The following PUS7L variants were observed in gnomAD, a reference collection of about 807,000 sequenced individuals.
The protein encoded by PUS7L is pseudouridine synthase 7 like, also known as pseudouridylate synthase PUS7L.
PUS7L carries 49 observed loss-of-function variants against 51.1 expected under a neutral mutation model. The observed-to-expected ratio is 0.96, with a 90% CI of 0.76 to 1.22. The LOEUF is 1.22. PUS7L is among the 50% of genes most tolerant of loss of function. The probability of loss-of-function intolerance (pLI) is 0.00; values close to 1 mark genes in which losing one functional copy is unlikely to be tolerated. For synonymous variants in PUS7L, 277 were observed against 276.2 expected, an observed-to-expected ratio of 1.00 and a Z score of -0.03; for missense variants, 828 against 820.6, an observed-to-expected ratio of 1.01 and a Z score of -0.11.
chr12:43,734,344 AAC>A (rs1409684791), intron 7 of PUS7L, among the ~76,000 whole-genome samples: 1 of 152,192 alleles, frequency 6.6e-6, no homozygotes, highest in African/African-American at 2.4e-5. Flanking sequence ...GAATGGATCT[AAC>A]AGAGAAAAGC....
At position 43,726,453 on chromosome 12, in the gene PUS7L, C is replaced by G. The variant is rs1944455837; in HGVS notation, c.*3923G>C. On this transcript the variant is annotated 3_prime_UTR_variant, in exon 9 of 9. Coordinates refer to ENST00000344862, the MANE Select transcript of PUS7L (RefSeq NM_031292.5). ...AAACTATAAAAACCCTAGAAGAAAACCTAGGAAATATCATTCTGGACAAAA... is the reference window on the plus strand; with the variant it reads ...AAACTATAAAAACCCTAGAAGAAAAGCTAGGAAATATCATTCTGGACAAAA... 6.6e-6 allele frequency: 1 copy of G among 151,688 alleles called. No individual in the cohort carries two copies. The highest frequency in any genetic ancestry group is 6.6e-5 in the Admixed American group (1 of 15,228). 9.4% of individuals were successfully genotyped at this position (151,688 alleles called of 1,614,324 possible). A position where few individuals can be genotyped will look rare whatever the true frequency, so the allele number is the denominator to read the frequency against.
In PUS7L at chr12:43,754,379, T is replaced by C. The variant is rs1366261286; in HGVS notation, c.867A>G (p.Lys289=). The C allele has an allele frequency of 6.2e-7, 1 of 1,608,180 alleles. No homozygotes were observed. Among genetic ancestry groups the C allele is most frequent in the South Asian group, 1.1e-5 (1 of 89,866 alleles). ...CTTCTTGGCATTCAGAAAGAGGCCT[T>C]TTCCCACGTTTGTGTGCTTTTTCCC... ...RFREKAHKRG[K]RPLSECQEGK... is the part of the protein sequence containing the mutation. Residue 289 remains lysine (K), a synonymous_variant, in exon 2 of 9, where the codon AAA becomes AAG. Transcript: ENST00000344862.
intron 7 of PUS7L, among the ~76,000 whole-genome samples, chr12:43,734,236 A>C (rs1944629901): frequency 6.6e-6 from 1 of 152,212 alleles, no homozygotes; most frequent in Admixed American, 6.5e-5. Flanking sequence ...TTGGGAAAGA[A>C]AAATCATTTT....
chr12:43,754,308 G>A, intron 2 of PUS7L, 28 bp downstream of exon 2: 1 of 1,433,526 alleles, frequency 7.0e-7, no homozygotes. Flanking sequence ...GCTTATCCAA[G>A]AAAATGGATG....
Position 43,748,597 on chromosome 12 carries a change from C to A in PUS7L, c.923G>T (p.Arg308Leu), listed in dbSNP as rs145814117. ...TTCAAACATTTCCAGGTTTTCCTTTCGTAGGGTAAAAGCTGAAACAAAAAA... is the reference window on the plus strand; with the variant it reads ...TTCAAACATTTCCAGGTTTTCCTTTAGTAGGGTAAAAGCTGAAACAAAAAA... Reference protein sequence around the residue: ...GKVIYTAFTLRKENLEMFEAI... With the variant: ...GKVIYTAFTLLKENLEMFEAI... Residue 308 changes from arginine (R) to leucine (L), a missense_variant, in exon 3 of 9, where the codon CGA (arginine) becomes CTA (leucine). Transcript: ENST00000344862. 310 of 1,583,336 alleles carry A rather than the reference C, an allele frequency of 2.0e-4. 1 individual carries two copies. The highest frequency in any genetic ancestry group is 1.5e-3 in the Admixed American group (75 of 50,214).
chr12:43,730,486 T>C lies in PUS7L; in HGVS notation c.1996A>G (p.Lys666Glu), dbSNP rs1944524828. ...GCTGTTTCATCAATGTGGGAACCTTTCGTTTTGACATCAATGTCATGATCT... is the reference window on the plus strand; with the variant it reads ...GCTGTTTCATCAATGTGGGAACCTTCCGTTTTGACATCAATGTCATGATCT... ...MEDHDIDVKT[K>E]GSHIDETALS... The change falls in exon 9 of 9, where the codon AAA (lysine) becomes GAA (glutamate). Residue 666 changes from lysine (K) to glutamate (E), a missense_variant. Coordinates refer to ENST00000344862, the MANE Select transcript of PUS7L (RefSeq NM_031292.5). The C allele has an allele frequency of 6.2e-7, 1 of 1,613,874 alleles. No individual in the cohort carries two copies. Among genetic ancestry groups the C allele is most frequent in the Non-Finnish European group, 8.5e-7 (1 of 1,179,820 alleles).
At chr12:43,730,773 C>G in intron 8 of PUS7L, 71 bp from the exon 9 acceptor site, 1 of 991,376 alleles carries the variant, frequency 1.0e-6, no homozygotes, top group South Asian at 1.6e-5. Flanking sequence ...TTTTAATGTA[C>G]TTTTATGACT....
chr12:43,731,909 AGGAG>A (rs1944565464), intron 7 of PUS7L, 151 bp from the exon 8 acceptor site: 1 of 590,302 alleles, frequency 1.7e-6, no homozygotes, highest in African/African-American at 2.0e-5. Context: ...TTGTTTCTGG[AGGAG>A]TAGACTACAT....
At position 43,724,617 on chromosome 12, in the gene PUS7L, C is replaced by T. The variant is rs1944432691; in HGVS notation, c.*5759G>A. Reference sequence around the variant, plus strand: ...ATAATTTTGTTTGATGCAATACTATCCTGGACTGAAAAATGATAACTAACA... The same window carrying T: ...ATAATTTTGTTTGATGCAATACTATTCTGGACTGAAAAATGATAACTAACA... On this transcript the variant is annotated 3_prime_UTR_variant, in exon 9 of 9. Transcript: ENST00000344862. 1.3e-5 allele frequency: 2 copies of T among 152,056 alleles called. No individual in the cohort carries two copies. Among genetic ancestry groups the T allele is most frequent in the South Asian group, 2.1e-4 (1 of 4,834 alleles). 9.4% of individuals were successfully genotyped at this position (152,056 alleles called of 1,614,324 possible).
intron 2 of PUS7L, among the ~76,000 whole-genome samples, chr12:43,752,521 G>A (rs1157307000): frequency 6.6e-6 from 1 of 152,146 alleles, no homozygotes; most frequent in Non-Finnish European, 1.5e-5. Flanking sequence ...GCAAAATGTG[G>A]CATACACCTA....
chr12:43,720,194 T>C lies in PUS7L; in HGVS notation c.*10182A>G, dbSNP rs545266471. The C allele has an allele frequency of 3.3e-5, 5 of 152,354 alleles. No homozygotes were observed. Among genetic ancestry groups the C allele is most frequent in the Admixed American group, 6.5e-5 (1 of 15,302 alleles). The allele number at this position is 152,354 out of a possible 1,614,324, so 9.4% of individuals were successfully genotyped here. On this transcript the variant is annotated 3_prime_UTR_variant, in exon 9 of 9. Transcript: ENST00000344862. Reference sequence around the variant, plus strand: ...TAATTTCATTTTGTCTTACTTGACATATAGATTACTTAGAAGTGTATCTCT... The same window carrying C: ...TAATTTCATTTTGTCTTACTTGACACATAGATTACTTAGAAGTGTATCTCT...
chr12:43,736,804 T>C, intron 6 of PUS7L, 143 bp from the exon 7 acceptor site: 1 of 626,170 alleles, frequency 1.6e-6, no homozygotes, highest in Non-Finnish European at 2.7e-6. Context: ...CTAGCTACAC[T>C]TGAAGAGCTT....
intron 7 of PUS7L, among the ~76,000 whole-genome samples, chr12:43,734,930 A>G (rs963367355): frequency 5.3e-5 from 8 of 152,322 alleles, no homozygotes; most frequent in Admixed American, 5.2e-4. Context: ...GGAGAATAAT[A>G]ATTTGTTCTT....
chr12:43,723,782 C>T lies in PUS7L; in HGVS notation c.*6594G>A, dbSNP rs1051893801. ...CTTAGAAAAACAGATTAAAACAGTACTATAAGAGAATCTTTCTGAAACTAG... is the reference window on the plus strand; with the variant it reads ...CTTAGAAAAACAGATTAAAACAGTATTATAAGAGAATCTTTCTGAAACTAG... On this transcript the variant is annotated 3_prime_UTR_variant, in exon 9 of 9. Transcript: ENST00000344862. 4 of 152,024 alleles carry T rather than the reference C, an allele frequency of 2.6e-5. No homozygotes were observed. Among genetic ancestry groups the T allele is most frequent in the African/African-American group, 7.2e-5 (3 of 41,410 alleles). The allele number at this position is 152,024 out of a possible 1,614,324, so 9.4% of individuals were successfully genotyped here.
intron 3 of PUS7L, among the ~76,000 whole-genome samples, chr12:43,747,862 C>T (rs1374920540): frequency 1.3e-5 from 2 of 152,124 alleles, no homozygotes; most frequent in Admixed American, 6.5e-5. Context: ...GATCCCTGCT[C>T]ACTGCAACTC....
At chr12:43,748,751 G>T in intron 2 of PUS7L, 142 bp from the exon 3 acceptor site, 1 of 719,888 alleles carries the variant, frequency 1.4e-6, no homozygotes, top group Non-Finnish European at 2.2e-6. Flanking sequence ...TTGTGATGGA[G>T]TGTCACTCTG....
At chr12:43,745,915 A>G (rs1938144333) in intron 4 of PUS7L, 131 bp downstream of exon 4, 3 of 526,690 alleles carry the variant, frequency 5.7e-6, no homozygotes, top group Non-Finnish European at 6.6e-6. Flanking sequence ...ATCACTTTAG[A>G]AAATAATTAA....
At position 43,724,450 on chromosome 12, in the gene PUS7L, T is replaced by C. The variant is rs1461188337; in HGVS notation, c.*5926A>G. 1 of 152,116 alleles carries C rather than the reference T, an allele frequency of 6.6e-6. No homozygotes were observed. Among genetic ancestry groups the C allele is most frequent in the East Asian group, 1.9e-4 (1 of 5,196 alleles). 9.4% of individuals were successfully genotyped at this position (152,116 alleles called of 1,614,324 possible). A position where few individuals can be genotyped will look rare whatever the true frequency, so the allele number is the denominator to read the frequency against. ...CTAACTGTAATAATACTAGCTGAAA[T>C]TTACTGAGAATTTGCTAGGCACCAG... On this transcript the variant is annotated 3_prime_UTR_variant, in exon 9 of 9. Transcript: ENST00000344862.
chr12:43,731,788 G>A, intron 7 of PUS7L, 30 bp from the exon 8 acceptor site: 1 of 1,388,466 alleles, frequency 7.2e-7, no homozygotes, highest in Non-Finnish European at 1.0e-6. Context: ...AAATATGAAT[G>A]ATTCCCAAAT....
Sources: gnomAD v4.1 joint callset for allele counts (sites outside exome capture counted in the v4.1 genomes callset) on GRCh38, gnomAD v4.1.1 for gene constraint, MANE v1.5 for transcripts, NCBI Gene and HGNC (gene_info 2026-07-23, HGNC 2026-07-21) for gene names.